Variants in TTN observed in about 807,000 individuals in gnomAD.
TTN encodes the protein titin.
A neutral mutation model predicts 3,223.0 loss-of-function variants in TTN; 1,525 were observed. That is an observed-to-expected ratio of 0.47 (90% CI 0.45 to 0.49). The LOEUF (loss-of-function observed/expected upper bound fraction) is 0.49. TTN is among the 20% of genes least tolerant of loss of function. The probability of loss-of-function intolerance (pLI) is 0.00; values close to 1 mark genes in which losing one functional copy is unlikely to be tolerated. For synonymous variants in TTN, 14,094 were observed against 15,161.0 expected (o/e 0.93, Z 5.17); for missense variants, 40,786 against 43,424.0 (o/e 0.94, Z 5.40).
chr2:178,548,242 G>T lies in TTN; in HGVS notation c.93384C>A (p.Ser31128=). The change falls in exon 339 of 363, where the codon TCC becomes TCA. Residue 31128 remains serine, a synonymous_variant. Transcript: ENST00000589042. This position sits in a 1 kb window ranked among gnomAD's most constrained non-coding sequence, Gnocchi z 4.3. The part of the protein sequence containing the change: ...RRLDVVDTSK[S]SAVLAWLKPD... ...GTTTAAGCCAAGCTAAGACTGCGGA[G>T]GATTTGCTAGTATCAACAACATCAA... The T allele has an allele frequency of 6.2e-7, 1 of 1,613,804 alleles. No individual in the cohort carries two copies. Among genetic ancestry groups the T allele is most frequent in the Non-Finnish European group, 8.5e-7 (1 of 1,179,794 alleles).
Position 178,560,501 on chromosome 2 carries a change from G to A in TTN, c.85631C>T (p.Ala28544Val), listed in dbSNP as rs775485220. Residue 28544 changes from alanine to valine, a missense_variant, in exon 326 of 363, where the codon GCA becomes GTA. By Grantham distance (64) the Ala-to-Val change is moderately conservative. Transcript: ENST00000589042. ...ACTTGGAACTGTAAATGGATCTAGTGCCTTTATAGCTACACTCTCTAGGGG... is the reference window on the plus strand; with the variant it reads ...ACTTGGAACTGTAAATGGATCTAGTACCTTTATAGCTACACTCTCTAGGGG... ...GEPLESVAIK[A>V]LDPFTVPSPP... is the part of the protein sequence containing the mutation. 1.9e-6 allele frequency: 3 copies of A among 1,612,726 alleles called. No homozygotes were observed. In the African/African-American group the frequency reaches 4.0e-5, roughly 22 times the overall value.
chr2:178,734,798 C>T lies in TTN; in HGVS notation c.15126G>A (p.Thr5042=), dbSNP rs377193788. ...FVNSEAILDI[T]DVKVEDSGSY... is the part of the protein sequence containing the mutation. ...TCCCACTGTCTTCAACTTTTACATCCGTAATATCAAGTATAGCCTCAGAAT... is the reference window on the plus strand; with the variant it reads ...TCCCACTGTCTTCAACTTTTACATCTGTAATATCAAGTATAGCCTCAGAAT... Residue 5042 remains threonine (T), a synonymous_variant, in exon 51 of 363, where the codon ACG becomes ACA. Coordinates refer to ENST00000589042, the MANE Select transcript of TTN (RefSeq NM_001267550.2). 3.8e-5 allele frequency: 61 copies of T among 1,613,688 alleles called. No homozygotes were observed. The highest frequency in any genetic ancestry group is 4.4e-5 in the Non-Finnish European group (52 of 1,179,774).
chr2:178,553,766 T>C lies in TTN; in HGVS notation c.89239A>G (p.Thr29747Ala). The C allele has an allele frequency of 2.5e-6, 4 of 1,608,130 alleles. No homozygotes were observed. Among genetic ancestry groups the C allele is most frequent in the Non-Finnish European group, 3.4e-6 (4 of 1,176,204 alleles). ...CAGCCAAGGGTGATGGATGACTTGG[T>C]TGAATCTGCGATTCTTATCTTAGCA... ...PPAKIRIADS[T>A]KSSITLGWSK... Residue 29747 changes from threonine (T) to alanine (A), a missense_variant, in exon 334 of 363, where the codon ACC (threonine) becomes GCC (alanine). By Grantham distance (58) the Thr-to-Ala change is moderately conservative (BLOSUM62 0). Transcript: ENST00000589042.
chr2:178,683,043 G>T, intron 134 of TTN, 140 bp from the exon 135 acceptor site: 3 of 1,003,738 alleles, frequency 3.0e-6, no homozygotes, highest in Non-Finnish European at 4.5e-6. Context: ...TTCTTTTTTG[G>T]CCAGTCAAGG....
At chr2:178,585,430 G>A (rs1400772905) in intron 308 of TTN, 83 bp from the exon 309 acceptor site, 3 of 1,440,408 alleles carry the variant, frequency 2.1e-6, no homozygotes, top group Admixed American at 2.3e-5. Context: ...GCAAATTAAT[G>A]CTTGTATTAC....
intron 10 of TTN, among the ~76,000 whole-genome samples, chr2:178,791,287 G>T (rs1208011390): frequency 6.6e-6 from 1 of 152,168 alleles, no homozygotes; most frequent in Non-Finnish European, 1.5e-5. Context: ...GCAGCCTCTG[G>T]TCAGCCTTTT....
chr2:178,663,584 A>C (rs756485583), intron 171 of TTN, 43 bp downstream of exon 171: 4 of 1,613,546 alleles, frequency 2.5e-6, no homozygotes, highest in African/African-American at 1.3e-5. Flanking sequence ...TTTCCAGAGC[A>C]GAAGAGATAC....
In TTN at chr2:178,562,686, T is replaced by C; in HGVS notation, c.83446A>G (p.Ile27816Val). 2 of 1,596,424 alleles carry C rather than the reference T, an allele frequency of 1.3e-6. No homozygotes were observed. Among genetic ancestry groups the C allele is most frequent in the Non-Finnish European group, 1.7e-6 (2 of 1,172,846 alleles). The change falls in exon 326 of 363, where the codon ATT becomes GTT. Residue 27816 changes from isoleucine to valine, a missense_variant. Ile to Val is a conservative substitution (Grantham distance 29). Coordinates refer to ENST00000589042, the MANE Select transcript of TTN (RefSeq NM_001267550.2). ...RETTRKAYATITNNCTKTTFR... is the reference protein window; with the variant it reads ...RETTRKAYATVTNNCTKTTFR... ...GTAGTTTTAGTGCAATTATTTGTAATGGTAGCATAGGCTTTTCTTGTAGTT... is the reference window on the plus strand; with the variant it reads ...GTAGTTTTAGTGCAATTATTTGTAACGGTAGCATAGGCTTTTCTTGTAGTT...
At chr2:178,582,251 T>C (rs1559510060) in intron 314 of TTN, 43 bp from the exon 315 acceptor site, 1 of 1,576,970 alleles carries the variant, frequency 6.3e-7, no homozygotes, top group Non-Finnish European at 8.6e-7. Context: ...GGCTAAAAGA[T>C]AATTTTAAAA....
chr2:178,739,041 T>C (rs1347200993), intron 48 of TTN, 100 bp downstream of exon 48: 3 of 1,342,782 alleles, frequency 2.2e-6, no homozygotes, highest in Non-Finnish European at 2.9e-6. Context: ...TAAATTACAT[T>C]CTGGAAGTGG....
At position 178,594,516 on chromosome 2, in the gene TTN, A is replaced by C. The variant is rs763120020; in HGVS notation, c.57978T>G (p.Ile19326Met). ...TAACTTTGTGGAACTTCTCAGTCCC[A>C]ATGAGCCGACTTTCTAGGACATAGT... ...IINYVLESRL[I>M]GTEKFHKVTN... The change falls in exon 296 of 363, where the codon ATT (isoleucine) becomes ATG (methionine). Residue 19326 changes from isoleucine to methionine, a missense_variant. By Grantham distance (10) the Ile-to-Met change is conservative. Transcript: ENST00000589042. The C allele has an allele frequency of 3.1e-6, 5 of 1,613,430 alleles. No homozygotes were observed. Among genetic ancestry groups the C allele is most frequent in the Non-Finnish European group, 4.2e-6 (5 of 1,179,540 alleles).
Position 178,573,535 on chromosome 2 carries a change from A to C in TTN, c.72597T>G (p.Ala24199=). Reference sequence around the variant, plus strand: ...GCTCTCCCACTCCATATTTATTTACAGCCATGACACGGAATATGTATTCAT... The same window carrying C: ...GCTCTCCCACTCCATATTTATTTACCGCCATGACACGGAATATGTATTCAT... ...KGNEYIFRVM[A]VNKYGVGEPL... Residue 24199 remains alanine, a synonymous_variant, in exon 326 of 363, where the codon GCT becomes GCG. Coordinates refer to ENST00000589042, the MANE Select transcript of TTN (RefSeq NM_001267550.2). The C allele has an allele frequency of 6.7e-7, 1 of 1,497,468 alleles. No homozygotes were observed. The highest frequency in any genetic ancestry group is 8.9e-7 in the Non-Finnish European group (1 of 1,126,130). 92.8% of individuals were successfully genotyped at this position (1,497,468 alleles called of 1,614,324 possible). A position where few individuals can be genotyped will look rare whatever the true frequency, so the allele number is the denominator to read the frequency against.
intron 294 of TTN, among the ~76,000 whole-genome samples, chr2:178,596,524 C>T (rs1035478630): frequency 5.3e-5 from 8 of 151,816 alleles, no homozygotes; most frequent in African/African-American, 1.9e-4. Context: ...TTCTGGATGA[C>T]CAGTGGATCA....
At position 178,590,082 on chromosome 2, in the gene TTN, A is replaced by G; in HGVS notation, c.61643T>C (p.Ile20548Thr). Residue 20548 changes from isoleucine (I) to threonine (T), a missense_variant, in exon 304 of 363, where the codon ATC (isoleucine) becomes ACC (threonine). Transcript: ENST00000589042. ...EAVRADHGKY[I>T]ISAKNSSGHA... ...TCCACTGCTGTTCTTAGCTGAGATGATATACTTGCCATGATCAGCTCTAAC... is the reference window on the plus strand; with the variant it reads ...TCCACTGCTGTTCTTAGCTGAGATGGTATACTTGCCATGATCAGCTCTAAC... 2 of 1,613,222 alleles carry G rather than the reference A, an allele frequency of 1.2e-6. No individual in the cohort carries two copies. The highest frequency in any genetic ancestry group is 2.2e-5 in the East Asian group (1 of 44,726).
rs528487939 is a variant in TTN at position 178,688,629 on chromosome 2, G to A, written c.32197+48C>T. ...CACATGTGGAAGAAGAAGAGACTTT[G>A]AGGAAACACACACAAACTCATTTAT... On this transcript the variant is annotated intron_variant, in intron 126 of 362. Coordinates refer to ENST00000589042, the MANE Select transcript of TTN (RefSeq NM_001267550.2). 69 of 1,275,570 alleles carry A rather than the reference G, an allele frequency of 5.4e-5. No homozygotes were observed. In the South Asian group the frequency reaches 7.9e-4, roughly 15 times the overall value. The allele number at this position is 1,275,570 out of a possible 1,614,324, so 79.0% of individuals were successfully genotyped here.
chr2:178,558,805 C>T (rs1051678950), intron 326 of TTN, 168 bp from the exon 327 acceptor site: 8 of 684,776 alleles, frequency 1.2e-5, no homozygotes, highest in African/African-American at 1.1e-4. Flanking sequence ...AACCAAGGCT[C>T]CCACAAGCTA....
Position 178,534,677 on chromosome 2 carries a change from C to T in TTN, c.101938G>A (p.Glu33980Lys). 6.2e-7 allele frequency: 1 copy of T among 1,613,790 alleles called. No homozygotes were observed. Among genetic ancestry groups the T allele is most frequent in the African/African-American group, 1.3e-5 (1 of 75,020 alleles). Reference protein sequence around the residue: ...DNFRLLFTAPEYYAPEVHQHD... With the variant: ...DNFRLLFTAPKYYAPEVHQHD... ...TGGTGGACTTCAGGTGCATAGTATT[C>T]TGGGGCAGTGAATAGAAGCCTGAAG... The change falls in exon 358 of 363, where the codon GAA becomes AAA. Residue 33980 changes from glutamate (E) to lysine (K), a missense_variant. By Grantham distance (56) the Glu-to-Lys change is moderately conservative. Coordinates refer to ENST00000589042, the MANE Select transcript of TTN (RefSeq NM_001267550.2).
chr2:178,532,040 G>A lies in TTN; in HGVS notation c.104575C>T (p.Arg34859Trp), dbSNP rs879243057. Residue 34859 changes from arginine (R) to tryptophan (W), a missense_variant, in exon 358 of 363, where the codon CGG (arginine) becomes TGG (tryptophan). Transcript: ENST00000589042. ...TCCTCAGCCGGTTGTGGACGTGACC[G>A]GATCAGCTCAGACACTGGCCTCATT... Reference protein sequence around the residue: ...ELMRPVSELIRSRPQPAEEYE... With the variant: ...ELMRPVSELIWSRPQPAEEYE... 1.9e-5 allele frequency: 31 copies of A among 1,613,772 alleles called. No individual in the cohort carries two copies. Among genetic ancestry groups the A allele is most frequent in the Non-Finnish European group, 2.5e-5 (29 of 1,179,866 alleles).
At position 178,731,354 on chromosome 2, in the gene TTN, G is replaced by C; in HGVS notation, c.17412C>G (p.Ala5804=). Residue 5804 remains alanine, a synonymous_variant, in exon 59 of 363, where the codon GCC becomes GCG. Coordinates refer to ENST00000589042, the MANE Select transcript of TTN (RefSeq NM_001267550.2). ...ATCTTTGTATTCCTGCATCATTTTTGGCCTGACAGACATATTTCCCATCAT... is the reference window on the plus strand; with the variant it reads ...ATCTTTGTATTCCTGCATCATTTTTCGCCTGACAGACATATTTCCCATCAT... ...VKHDGKYVCQ[A]KNDAGIQRCS... is the part of the protein sequence containing the mutation. 6.2e-7 allele frequency: 1 copy of C among 1,613,696 alleles called. No individual in the cohort carries two copies. The highest frequency in any genetic ancestry group is 1.1e-5 in the South Asian group (1 of 91,068).
Sources: allele counts gnomAD v4.1 joint callset (sites outside exome capture counted in the v4.1 genomes callset), GRCh38; gene constraint gnomAD v4.1.1; non-coding constraint Gnocchi (gnomAD v3.1); transcripts MANE v1.5; gene names NCBI Gene and HGNC (gene_info 2026-07-23, HGNC 2026-07-21).